The following ROBO2 variants were observed in gnomAD, a reference collection of about 807,000 sequenced individuals.
The protein encoded by ROBO2 is roundabout homolog 2.
In ROBO2, 53 loss-of-function variants were observed where a neutral mutation model predicts 160.8. The ratio of observed to expected loss-of-function variants is 0.33; its 90% CI spans 0.26 to 0.41. The LOEUF (loss-of-function observed/expected upper bound fraction) is 0.41, where lower values mean the gene tolerates loss of function less well. Ranked by LOEUF, ROBO2 falls within the 10% of genes least tolerant of loss-of-function variation. The pLI, the probability that ROBO2 is intolerant of heterozygous loss-of-function variation, is 1.00. For missense variants in ROBO2, 1,577 were observed against 1,722.4 expected, an observed-to-expected ratio of 0.92 and a Z score of 1.49; for synonymous variants, 664 against 611.7, an observed-to-expected ratio of 1.09 and a Z score of -1.26.
chr3:76,044,397 A>T (rs978656884), intron 2 of ROBO2, among the ~76,000 whole-genome samples: 3 of 151,998 alleles, frequency 2.0e-5, no homozygotes, highest in Non-Finnish European at 2.9e-5. Flanking sequence ...AATTCATATA[A>T]CCTCCAGACA....
At chr3:75,980,049 G>A (rs1160791187) in intron 2 of ROBO2, among the ~76,000 whole-genome samples, 1 of 151,574 alleles carries the variant, frequency 6.6e-6, no homozygotes, top group Non-Finnish European at 1.5e-5. Flanking sequence ...TCTCACATTT[G>A]TAGTAGGTGT....
At chr3:76,945,987 T>A (rs2078514556) in intron 2 of ROBO2, among the ~76,000 whole-genome samples, 2 of 152,192 alleles carry the variant, frequency 1.3e-5, no homozygotes, top group South Asian at 4.1e-4. Context: ...CTTTTAATAG[T>A]TTATTGAATG....
chr3:76,395,351 C>T (rs1408275807), intron 2 of ROBO2, among the ~76,000 whole-genome samples: 8 of 143,278 alleles, frequency 5.6e-5, no homozygotes, highest in African/African-American at 1.0e-4. Context: ...ATTTATAGCA[C>T]TAAATGCCCA....
intron 2 of ROBO2, among the ~76,000 whole-genome samples, chr3:76,670,046 A>G (rs181250825): frequency 6.6e-6 from 1 of 152,320 alleles, no homozygotes; most frequent in African/African-American, 2.4e-5. Context: ...AGTGTCTTAT[A>G]TGACAAAATA....
intron 2 of ROBO2, among the ~76,000 whole-genome samples, chr3:76,057,244 A>G (rs1252567635): frequency 1.3e-5 from 2 of 152,144 alleles, no homozygotes; most frequent in Non-Finnish European, 2.9e-5. Context: ...TGCCTGGGAC[A>G]TTGCTGGAGT....
At chr3:76,289,623 G>T (rs1032894205) in intron 2 of ROBO2, among the ~76,000 whole-genome samples, 2 of 152,044 alleles carry the variant, frequency 1.3e-5, no homozygotes, top group Non-Finnish European at 2.9e-5. Flanking sequence ...TATAGTTTTA[G>T]GTTTTACATT....
chr3:76,594,338 G>C (rs1482141242), intron 2 of ROBO2, among the ~76,000 whole-genome samples: 1 of 151,918 alleles, frequency 6.6e-6, no homozygotes, highest in Non-Finnish European at 1.5e-5. Flanking sequence ...AGGATTGGTG[G>C]TACAATTATA....
chr3:77,377,046 A>C (rs887055074), intron 2 of ROBO2, among the ~76,000 whole-genome samples: 1 of 152,204 alleles, frequency 6.6e-6, no homozygotes, highest in Non-Finnish European at 1.5e-5. Context: ...TGGATTTAAC[A>C]GTTCTTGTTT....
intron 2 of ROBO2, among the ~76,000 whole-genome samples, chr3:77,228,414 A>AACAT (rs1553857546): frequency 6.7e-6 from 1 of 148,914 alleles, no homozygotes; most frequent in African/African-American, 2.5e-5. Context: ...TACATGCACA[A>AACAT]ACACACACAC....
At chr3:75,931,741 C>G (rs1254127775) in intron 1 of ROBO2, among the ~76,000 whole-genome samples, 1 of 151,938 alleles carries the variant, frequency 6.6e-6, no homozygotes, top group Non-Finnish European at 1.5e-5. Flanking sequence ...CCCCCCAACA[C>G]CCTTGTTGTG....
At chr3:77,180,441 T>G (rs1466027175) in intron 2 of ROBO2, among the ~76,000 whole-genome samples, 1 of 138,432 alleles carries the variant, frequency 7.2e-6, no homozygotes, top group Non-Finnish European at 1.6e-5. Flanking sequence ...TGTATTTTTT[T>G]TTTTTTTTTT....
intron 2 of ROBO2, among the ~76,000 whole-genome samples, chr3:76,827,709 A>G (rs577259086): frequency 4.9e-4 from 75 of 152,094 alleles, no homozygotes; most frequent in African/African-American, 1.8e-3. Context: ...CCTCCTCCAA[A>G]TTTCTTTATT....
intron 1 of ROBO2, among the ~76,000 whole-genome samples, chr3:77,088,382 A>G (rs1283574790): frequency 6.6e-6 from 1 of 152,052 alleles, no homozygotes; most frequent in African/African-American, 2.4e-5. Flanking sequence ...TTACATATCT[A>G]TTTATTTGTT....
intron 2 of ROBO2, among the ~76,000 whole-genome samples, chr3:76,641,091 A>G (rs758488832): frequency 7.2e-5 from 11 of 152,236 alleles, no homozygotes; most frequent in Non-Finnish European, 1.2e-4. Flanking sequence ...CATTGGACAT[A>G]AGCCACAGTA....
intron 2 of ROBO2, among the ~76,000 whole-genome samples, chr3:76,554,871 A>G (rs1322196628): frequency 1.3e-5 from 2 of 152,074 alleles, no homozygotes; most frequent in Non-Finnish European, 2.9e-5. Flanking sequence ...AGAATCAGGG[A>G]AAAAAATCAC....
At chr3:77,586,937 T>G (rs1188337474) in intron 16 of ROBO2, among the ~76,000 whole-genome samples, 1 of 151,528 alleles carries the variant, frequency 6.6e-6, no homozygotes, top group Non-Finnish European at 1.5e-5. Flanking sequence ...TAAATGACGC[T>G]GGTTTTTAAA....
intron 2 of ROBO2, among the ~76,000 whole-genome samples, chr3:76,860,062 G>A (rs372864222): frequency 6.6e-6 from 1 of 152,140 alleles, no homozygotes; most frequent in Non-Finnish European, 1.5e-5. Flanking sequence ...ATGGTTTCAT[G>A]TATATCATTT....
chr3:76,125,577 T>C (rs1238797594), intron 2 of ROBO2, among the ~76,000 whole-genome samples: 1 of 152,116 alleles, frequency 6.6e-6, no homozygotes, highest in Non-Finnish European at 1.5e-5. Flanking sequence ...TGGTTTGGAT[T>C]TGCATTTCTC....
intron 2 of ROBO2, among the ~76,000 whole-genome samples, chr3:77,018,479 T>C (rs1335104525): frequency 6.6e-6 from 1 of 152,184 alleles, no homozygotes; most frequent in African/African-American, 2.4e-5. Flanking sequence ...ATGAGGTACT[T>C]AGGTTTCTTT....
Sources: gnomAD v4.1 joint callset for allele counts (sites outside exome capture counted in the v4.1 genomes callset) on GRCh38, gnomAD v4.1.1 for gene constraint, MANE v1.5 for transcripts, NCBI Gene and HGNC (gene_info 2026-07-23, HGNC 2026-07-21) for gene names.